PNCK: variants seen among roughly 807,000 people sequenced by gnomAD.
PNCK encodes the protein calcium/calmodulin-dependent protein kinase type 1B.
PNCK carries 21 observed loss-of-function variants against 28.3 expected under a neutral mutation model. That is an observed-to-expected ratio of 0.74 (90% CI 0.53 to 1.07). The LOEUF is 1.07. PNCK is among the 50% of genes least tolerant of loss of function. The pLI is 0.00. For missense variants in PNCK, 250 were observed against 298.3 expected (o/e 0.84, Z 1.19); for synonymous variants, 136 against 125.2 (o/e 1.09, Z -0.58).
chrX:153,669,753 G>T lies in PNCK; in HGVS notation c.*385C>A. 5.8e-6 allele frequency: 2 copies of T among 342,571 alleles called. No individual in the cohort carries two copies. Among genetic ancestry groups the T allele is most frequent in the Non-Finnish European group, 1.2e-5 (2 of 170,145 alleles). The allele number at this position is 342,571 out of a possible 1,213,427, so 28.2% of individuals were successfully genotyped here. A position where few individuals can be genotyped will look rare whatever the true frequency, so the allele number is the denominator to read the frequency against. ...GCCCATTGCTGTATCTTTCTTTATT[G>T]GTTTGGGGAAAACTGGAGGGGGCTG... On this transcript the variant is annotated 3_prime_UTR_variant, in exon 12 of 12. Coordinates refer to ENST00000340888, the MANE Select transcript of PNCK (RefSeq NM_001366977.1).
chrX:153,670,447 C>T lies in PNCK; in HGVS notation c.*7+3G>A. On this transcript the variant is annotated splice_donor_region_variant and intron_variant, in intron 11 of 11. Coordinates refer to ENST00000340888, the MANE Select transcript of PNCK (RefSeq NM_001366977.1). ...TGGGCGTGCAGGGTCCACCCAAACA[C>T]ACCTGGGCATCACCACTTGGGGGGC... 1.7e-6 allele frequency: 2 copies of T among 1,211,543 alleles called. No homozygotes were observed. Among genetic ancestry groups the T allele is most frequent in the Non-Finnish European group, 2.2e-6 (2 of 895,479 alleles).
At chrX:153,683,099 C>G (rs1021330281) in intron 1 of PNCK, among the ~76,000 whole-genome samples, 4 of 112,166 alleles carry the variant, frequency 3.6e-5, no homozygotes, top group Non-Finnish European at 5.6e-5. Context: ...TATTATTACT[C>G]AAATCAGCTG....
rs782713797 is a variant in PNCK at position 153,671,496 on chromosome X, A to G, written c.538+53T>C. ...GGCACAACAGCCTTCCCGGCTGTCT[A>G]GGGTCCCCCAGGCCACCCCACTCCC... On this transcript the variant is annotated intron_variant, in intron 6 of 11. Transcript: ENST00000340888. 2.3e-5 allele frequency: 28 copies of G among 1,210,292 alleles called. No homozygotes were observed. In the South Asian group the frequency reaches 4.8e-4, roughly 21 times the overall value.
At chrX:153,684,504 G>A (rs2091408773) in intron 1 of PNCK, among the ~76,000 whole-genome samples, 1 of 97,070 alleles carries the variant, frequency 1.0e-5, no homozygotes, top group Non-Finnish European at 2.0e-5. Flanking sequence ...TCTGTTCTCC[G>A]CTTGGCTGCA....
Position 153,670,487 on chromosome X carries a change from G to T in PNCK, c.1002C>A (p.Gly334=), listed in dbSNP as rs149785603. 1 of 1,211,343 alleles carries T rather than the reference G, an allele frequency of 8.3e-7. No individual in the cohort carries two copies. The highest frequency in any genetic ancestry group is 2.2e-5 in the Admixed American group (1 of 46,147). Reference sequence around the variant, plus strand: ...ACTTGGGGGGCTGGCCAGCACGGAGGCCTGAGTGGCTGTGGCGGGCCATGC... The same window carrying T: ...ACTTGGGGGGCTGGCCAGCACGGAGTCCTGAGTGGCTGTGGCGGGCCATGC... The part of the protein sequence containing the change: ...EQGMARHSHS[G]LRAGQPPKW The change falls in exon 11 of 12, where the codon GGC becomes GGA. Residue 334 remains glycine, a synonymous_variant. Transcript: ENST00000340888.
intron 1 of PNCK, among the ~76,000 whole-genome samples, chrX:153,682,155 A>T (rs782141523): frequency 9.0e-6 from 1 of 110,885 alleles, no homozygotes; most frequent in South Asian, 3.8e-4. Context: ...TGTCTGGCTA[A>T]TTTTTGTATT....
chrX:153,673,695 C>T (rs2091342913), intron 1 of PNCK, 85 bp downstream of exon 1: 2 of 543,607 alleles, frequency 3.7e-6, no homozygotes, highest in South Asian at 9.3e-5. Flanking sequence ...AGGTGTGCTG[C>T]GGACGCGCAA....
At chrX:153,679,353 G>A (rs1312532710), upstream of PNCK, among the ~76,000 whole-genome samples, 6 of 108,380 alleles carry the variant, frequency 5.5e-5, no homozygotes, top group Non-Finnish European at 1.1e-4. Context: ...AGTTGTCAGT[G>A]TTTTGGATTT....
chrX:153,671,727 G>A lies in PNCK; in HGVS notation c.415-55C>T. On this transcript the variant is annotated intron_variant, in intron 5 of 11. Coordinates refer to ENST00000340888, the MANE Select transcript of PNCK (RefSeq NM_001366977.1). The stretch of plus-strand genomic sequence containing the variant: ...CAGTCAGTCCTGACGCGGTGCCGGT[G>A]CTGGGACAGGATGGGGACTAGGCAC... 3.4e-6 allele frequency: 4 copies of A among 1,166,580 alleles called. No individual in the cohort carries two copies. In the South Asian group the frequency reaches 8.0e-5, roughly 23 times the overall value.
chrX:153,686,000 G>C (rs782154813), intron 1 of PNCK, among the ~76,000 whole-genome samples: 96 of 112,284 alleles, frequency 8.5e-4, no homozygotes, highest in African/African-American at 2.9e-3. Flanking sequence ...AGGAGGTCGT[G>C]GGAGTCAGGT....
chrX:153,687,659 G>C (rs2091427018), upstream of PNCK: 1 of 301,069 alleles, frequency 3.3e-6, no homozygotes, highest in Admixed American at 3.5e-5. Flanking sequence ...GCTGCACTAG[G>C]AGCCGGCGAC....
chrX:153,669,978 G>C lies in PNCK; in HGVS notation c.*160C>G, dbSNP rs531615705. 1,593 of 316,478 alleles carry C rather than the reference G, an allele frequency of 5.0e-3. 5 individuals carry two copies. The highest frequency in any genetic ancestry group is 0.011 in the South Asian group (398 of 34,717). 26.1% of individuals were successfully genotyped at this position (316,478 alleles called of 1,213,427 possible). A position where few individuals can be genotyped will look rare whatever the true frequency, so the allele number is the denominator to read the frequency against. On this transcript the variant is annotated 3_prime_UTR_variant, in exon 12 of 12. Coordinates refer to ENST00000340888, the MANE Select transcript of PNCK (RefSeq NM_001366977.1). ...GGGCAGAGCCTGGGGACAGACTTGG[G>C]GGTGCCCCATTCCAACCCCAGCGCC...
upstream of PNCK, among the ~76,000 whole-genome samples, chrX:153,677,743 GTATATA>G (rs782684893): frequency 9.8e-6 from 1 of 102,311 alleles, no homozygotes; most frequent in African/African-American, 3.6e-5. Flanking sequence ...TATATAGTGT[GTATATA>G]TAGTGTGTAT....
At chrX:153,672,072 C>T in intron 4 of PNCK, 54 bp from the exon 5 acceptor site, 1 of 1,200,702 alleles carries the variant, frequency 8.3e-7, no homozygotes, top group Non-Finnish European at 1.1e-6. Flanking sequence ...CCTTCAGCCC[C>T]ACTCACTGCT....
chrX:153,671,365 G>T lies in PNCK; in HGVS notation c.539-5C>A, dbSNP rs1557039760. The T allele has an allele frequency of 8.3e-7, 1 of 1,212,077 alleles. No homozygotes were observed. The highest frequency in any genetic ancestry group is 1.7e-5 in the African/African-American group (1 of 57,906). The stretch of plus-strand genomic sequence containing the variant: ...TCTGCTCCAAGAGCTCTGGGGCTGG[G>T]GGCCAGAGACAGACAGACGCACGCA... On this transcript the variant is annotated splice_region_variant and splice_polypyrimidine_tract_variant and intron_variant, in intron 6 of 11. Coordinates refer to ENST00000340888, the MANE Select transcript of PNCK (RefSeq NM_001366977.1).
At chrX:153,687,090 GGCGGAGAGGCA>G (rs2091424066) in intron 1 of PNCK, 1 of 148,359 alleles carries the variant, frequency 6.7e-6, no homozygotes, top group African/African-American at 3.2e-5. Context: ...CTCAGCTGGC[GGCGGAGAGGCA>G]GCCCAACAAG....
At chrX:153,677,655 T>C (rs1603207586), upstream of PNCK, among the ~76,000 whole-genome samples, 3 of 97,436 alleles carry the variant, frequency 3.1e-5, no homozygotes, top group East Asian at 9.2e-4. Flanking sequence ...TGTATATATA[T>C]AGTGTGTATA....
upstream of PNCK, among the ~76,000 whole-genome samples, chrX:153,675,567 G>A (rs1443753199): frequency 1.8e-5 from 2 of 111,104 alleles, no homozygotes; most frequent in African/African-American, 3.3e-5. Context: ...TCTCACTGTC[G>A]CCCAGGCTGG....
chrX:153,675,876 C>CTT (rs1557041461), upstream of PNCK, among the ~76,000 whole-genome samples: 4 of 106,466 alleles, frequency 3.8e-5, no homozygotes, highest in Non-Finnish European at 7.7e-5. Context: ...GGCAAGGTGG[C>CTT]TTATGCCTGT....
Sources: allele counts gnomAD v4.1 joint callset (sites outside exome capture counted in the v4.1 genomes callset), GRCh38; gene constraint gnomAD v4.1.1; transcripts MANE v1.5; gene names NCBI Gene and HGNC (gene_info 2026-07-23, HGNC 2026-07-21).